Variants in ROBO2 observed in about 807,000 individuals in gnomAD.
ROBO2 encodes roundabout homolog 2.
In ROBO2, 53 loss-of-function variants were observed where a neutral mutation model predicts 160.8. That is an observed-to-expected ratio of 0.33 (90% confidence interval 0.26 to 0.41). ROBO2 has a LOEUF of 0.41. Among genes scored for constraint, ROBO2 ranks in the 10% least tolerant of loss-of-function variants. The probability of loss-of-function intolerance (pLI) is 1.00; values close to 1 mark genes in which losing one functional copy is unlikely to be tolerated. For missense variants in ROBO2, 1,577 were observed against 1,722.4 expected, an observed-to-expected ratio of 0.92 and a Z score of 1.49; for synonymous variants, 664 against 611.7, an observed-to-expected ratio of 1.09 and a Z score of -1.26.
chr3:75,940,486 G>C (rs1372965956), intron 2 of ROBO2, among the ~76,000 whole-genome samples: 4 of 152,030 alleles, frequency 2.6e-5, no homozygotes, highest in African/African-American at 9.7e-5. Context: ...TCCTACTTCT[G>C]AGTTACAGAA....
chr3:76,641,620 C>CA (rs2090678903), intron 2 of ROBO2, among the ~76,000 whole-genome samples: 2 of 151,522 alleles, frequency 1.3e-5, no homozygotes, highest in East Asian at 1.9e-4. Flanking sequence ...TTGAGAAAAA[C>CA]AAAAAACAAA....
intron 2 of ROBO2, among the ~76,000 whole-genome samples, chr3:76,687,121 G>A (rs1350974080): frequency 6.6e-6 from 1 of 151,988 alleles, no homozygotes; most frequent in Non-Finnish European, 1.5e-5. Flanking sequence ...AGCTATATAG[G>A]TAAATACGTA....
At chr3:76,157,326 T>C (rs1158918193) in intron 2 of ROBO2, among the ~76,000 whole-genome samples, 1 of 152,132 alleles carries the variant, frequency 6.6e-6, no homozygotes, top group African/African-American at 2.4e-5. Flanking sequence ...TGGGGGCACC[T>C]AAGAGATTTG....
chr3:76,451,535 T>C (rs912667244), intron 2 of ROBO2, among the ~76,000 whole-genome samples: 3 of 152,166 alleles, frequency 2.0e-5, no homozygotes, highest in Admixed American at 6.6e-5. Context: ...AAAATTTTGC[T>C]GGGCAAAAGC....
intron 2 of ROBO2, among the ~76,000 whole-genome samples, chr3:76,895,373 G>A (rs1168392969): frequency 6.6e-6 from 1 of 152,008 alleles, no homozygotes; most frequent in Middle Eastern, 3.2e-3. Context: ...ATTTGTGATA[G>A]TTCACACAGA....
chr3:77,250,938 TTAAG>T (rs2153298319), intron 2 of ROBO2, among the ~76,000 whole-genome samples: 1 of 152,328 alleles, frequency 6.6e-6, no homozygotes, highest in African/African-American at 2.4e-5. Flanking sequence ...GTAGTGGAGA[TTAAG>T]TTTCTATAAC....
intron 22 of ROBO2, among the ~76,000 whole-genome samples, chr3:77,621,520 A>G (rs949694144): frequency 2.0e-5 from 3 of 152,294 alleles, no homozygotes; most frequent in African/African-American, 7.2e-5. Flanking sequence ...TTATTTATTC[A>G]TTGCAAAAGG....
At chr3:76,658,521 G>A (rs1203012043) in intron 2 of ROBO2, among the ~76,000 whole-genome samples, 2 of 152,012 alleles carry the variant, frequency 1.3e-5, no homozygotes, top group East Asian at 1.9e-4. Flanking sequence ...GGCATGTGAT[G>A]TTCCCCTCCC....
chr3:76,493,776 C>A (rs897081452), intron 2 of ROBO2, among the ~76,000 whole-genome samples: 2 of 152,046 alleles, frequency 1.3e-5, no homozygotes, highest in African/African-American at 4.8e-5. Flanking sequence ...TGTACCTCTG[C>A]GAGGCACTGA....
At chr3:77,348,380 G>A (rs938939261) in intron 2 of ROBO2, among the ~76,000 whole-genome samples, 23 of 152,124 alleles carry the variant, frequency 1.5e-4, no homozygotes, top group Non-Finnish European at 2.6e-4. Flanking sequence ...CTTTCATGGC[G>A]CTGGTGCGAG....
chr3:77,481,135 A>C (rs771830264), exon 4 of ROBO2: 10 of 1,612,042 alleles, frequency 6.2e-6, no homozygotes, highest in Non-Finnish European at 7.6e-6. Context: ...CAATACCAGG[A>C]AAAGTGATGC....
At chr3:77,015,986 A>AT (rs569041969) in intron 2 of ROBO2, among the ~76,000 whole-genome samples, 39 of 150,232 alleles carry the variant, frequency 2.6e-4, no homozygotes, top group African/African-American at 5.9e-4. Flanking sequence ...TTTTATTTTT[A>AT]TTTTTTTTGA....
intron 2 of ROBO2, among the ~76,000 whole-genome samples, chr3:76,112,024 C>G (rs546942504): frequency 6.6e-6 from 1 of 152,244 alleles, no homozygotes; most frequent in African/African-American, 2.4e-5. Context: ...CACCCAACCT[C>G]ATCCCACTCT....
At chr3:76,477,933 C>T (rs1030273260) in intron 2 of ROBO2, among the ~76,000 whole-genome samples, 3 of 151,998 alleles carry the variant, frequency 2.0e-5, no homozygotes, top group Admixed American at 2.0e-4. Flanking sequence ...ATTTTCCTCT[C>T]ACAATGAATG....
chr3:76,281,094 C>A (rs1708207538), intron 2 of ROBO2, among the ~76,000 whole-genome samples: 1 of 151,838 alleles, frequency 6.6e-6, no homozygotes, highest in South Asian at 2.1e-4. Context: ...TAGACAAGAA[C>A]ATTTATCATA....
At chr3:76,550,879 C>G (rs554038672) in intron 2 of ROBO2, among the ~76,000 whole-genome samples, 4 of 152,308 alleles carry the variant, frequency 2.6e-5, no homozygotes, top group South Asian at 4.1e-4. Flanking sequence ...CCTGGGGGAG[C>G]TGAGGGCAGC....
At chr3:76,089,808 A>G (rs183834780) in intron 2 of ROBO2, among the ~76,000 whole-genome samples, 39 of 152,300 alleles carry the variant, frequency 2.6e-4, no homozygotes, top group African/African-American at 8.2e-4. Flanking sequence ...TCTTTCCAAG[A>G]TCGTACTGGA....
chr3:76,825,699 A>G (rs755470562), intron 2 of ROBO2, among the ~76,000 whole-genome samples: 3 of 149,224 alleles, frequency 2.0e-5, no homozygotes, highest in Non-Finnish European at 3.0e-5. Context: ...TCCTGCGACC[A>G]TCTCCTCAAT....
intron 2 of ROBO2, among the ~76,000 whole-genome samples, chr3:77,453,921 T>C (rs558634944): frequency 2.6e-5 from 4 of 152,280 alleles, no homozygotes; most frequent in Admixed American, 2.0e-4. Flanking sequence ...CATTAGAAGA[T>C]TGAAACATTT....
Sources: gnomAD v4.1 joint callset for allele counts (sites outside exome capture counted in the v4.1 genomes callset) on GRCh38, gnomAD v4.1.1 for gene constraint, MANE v1.5 for transcripts, NCBI Gene and HGNC (gene_info 2026-07-23, HGNC 2026-07-21) for gene names.